Variants in ZBTB20 observed in about 807,000 individuals in gnomAD.
ZBTB20 encodes the protein zinc finger and BTB domain-containing protein 20.
Under a neutral mutation model 56.9 loss-of-function variants are expected in ZBTB20, and 9 were observed. The observed-to-expected ratio is 0.16, with a 90% CI of 0.10 to 0.28. The LOEUF is 0.28. Ranked by LOEUF, ZBTB20 falls within the 10% of genes least tolerant of loss-of-function variation. The pLI, the probability that ZBTB20 is intolerant of heterozygous loss-of-function variation, is 1.00. For synonymous variants in ZBTB20, 417 were observed against 420.7 expected (o/e 0.99, Z 0.11); for missense variants, 655 against 1,003.0 (o/e 0.65, Z 4.69).
chr3:114,914,681 A>G (rs79635751), intron 3 of ZBTB20, among the ~76,000 whole-genome samples: 5,141 of 152,054 alleles, frequency 0.034, 138 homozygotes, highest in Middle Eastern at 0.11. Context: ...CCCACTCAGC[A>G]TGATACTAGC....
chr3:115,016,295 G>C (rs1385774502), intron 2 of ZBTB20, among the ~76,000 whole-genome samples: 1 of 151,868 alleles, frequency 6.6e-6, no homozygotes, highest in East Asian at 1.9e-4. Flanking sequence ...AGTTTCTTTT[G>C]CTGAGCAGAA....
At chr3:114,417,977 G>A (rs2088750310) in intron 7 of ZBTB20, among the ~76,000 whole-genome samples, 1 of 152,028 alleles carries the variant, frequency 6.6e-6, no homozygotes, top group Admixed American at 6.6e-5. Flanking sequence ...ATAGAAAATA[G>A]ACAATGCAAC....
intron 4 of ZBTB20, among the ~76,000 whole-genome samples, chr3:114,835,612 A>G (rs1466573438): frequency 6.6e-6 from 1 of 152,152 alleles, no homozygotes; most frequent in African/African-American, 2.4e-5. Context: ...TAGTTGCAAT[A>G]CATTGGTTCA....
At chr3:115,080,690 G>A (rs976386838) in intron 1 of ZBTB20, among the ~76,000 whole-genome samples, 1 of 152,092 alleles carries the variant, frequency 6.6e-6, no homozygotes, top group African/African-American at 2.4e-5. Context: ...TGGATAAAAA[G>A]ATTCACCCTC....
chr3:114,677,777 A>G (rs1488532209), intron 6 of ZBTB20, among the ~76,000 whole-genome samples: 1 of 152,154 alleles, frequency 6.6e-6, no homozygotes, highest in African/African-American at 2.4e-5. Context: ...GCAGCTAATG[A>G]TTTAATATCA....
intron 5 of ZBTB20, among the ~76,000 whole-genome samples, chr3:114,797,460 C>T (rs1263963160): frequency 6.6e-6 from 1 of 151,872 alleles, no homozygotes; most frequent in Non-Finnish European, 1.5e-5. Flanking sequence ...GCTAGTATCA[C>T]ATTATTCCTT....
intron 6 of ZBTB20, among the ~76,000 whole-genome samples, chr3:114,511,894 A>G (rs1020139853): frequency 3.3e-5 from 5 of 152,116 alleles, no homozygotes; most frequent in African/African-American, 4.8e-5. Flanking sequence ...CAGAAATATC[A>G]CAGTTAACAA....
At chr3:114,549,573 C>T (rs941224102) in intron 6 of ZBTB20, among the ~76,000 whole-genome samples, 7 of 152,082 alleles carry the variant, frequency 4.6e-5, no homozygotes, top group Admixed American at 1.3e-4. Context: ...TTGGCTTTAA[C>T]ACAGCAATTT....
At chr3:114,781,027 G>GA (rs1185515707) in intron 5 of ZBTB20, among the ~76,000 whole-genome samples, 5 of 151,890 alleles carry the variant, frequency 3.3e-5, no homozygotes, top group African/African-American at 4.8e-5. Context: ...ATTCTATAAA[G>GA]AAAAAACAAA....
chr3:114,371,217 C>A (rs775866931), intron 10 of ZBTB20, among the ~76,000 whole-genome samples: 26 of 152,126 alleles, frequency 1.7e-4, no homozygotes, highest in Non-Finnish European at 3.1e-4. Flanking sequence ...GGAGCCATGT[C>A]TAATAAACCT....
At chr3:114,923,862 A>G (rs1443485244) in intron 3 of ZBTB20, among the ~76,000 whole-genome samples, 2 of 152,048 alleles carry the variant, frequency 1.3e-5, no homozygotes, top group South Asian at 2.1e-4. Flanking sequence ...ACACAACTCA[A>G]TGGCAAAAAA....
At chr3:114,569,138 T>C (rs2053134511) in intron 6 of ZBTB20, among the ~76,000 whole-genome samples, 1 of 152,260 alleles carries the variant, frequency 6.6e-6, no homozygotes, top group Non-Finnish European at 1.5e-5. Context: ...ATAAAGTTTA[T>C]TTCTTGATGA....
At chr3:114,646,186 T>C (rs950060648) in intron 6 of ZBTB20, among the ~76,000 whole-genome samples, 2 of 151,316 alleles carry the variant, frequency 1.3e-5, no homozygotes, top group Admixed American at 1.3e-4. Flanking sequence ...GGGAGGAAAG[T>C]AGGGGTCTGT....
At chr3:114,401,217 T>G (rs1053321678) in intron 7 of ZBTB20, among the ~76,000 whole-genome samples, 1 of 151,930 alleles carries the variant, frequency 6.6e-6, no homozygotes, top group African/African-American at 2.4e-5. Context: ...TAAAATATAT[T>G]GAATAATCAT....
At chr3:114,551,628 G>C (rs1300939912) in intron 6 of ZBTB20, among the ~76,000 whole-genome samples, 1 of 152,150 alleles carries the variant, frequency 6.6e-6, no homozygotes, top group Non-Finnish European at 1.5e-5. Flanking sequence ...ATTGGAAGTG[G>C]GCTATTCAGG....
chr3:114,998,230 A>C (rs1336302137), intron 2 of ZBTB20, among the ~76,000 whole-genome samples: 1 of 151,746 alleles, frequency 6.6e-6, no homozygotes, highest in African/African-American at 2.4e-5. Flanking sequence ...ACAATAAAAT[A>C]AACAACAAAT....
At chr3:114,963,392 C>T (rs1257371646) in intron 3 of ZBTB20, among the ~76,000 whole-genome samples, 1 of 152,140 alleles carries the variant, frequency 6.6e-6, no homozygotes, top group Non-Finnish European at 1.5e-5. Context: ...ACTGTATACT[C>T]AGTGCTTAAA....
intron 7 of ZBTB20, among the ~76,000 whole-genome samples, chr3:114,420,058 G>A (rs529847578): frequency 6.6e-6 from 1 of 152,236 alleles, no homozygotes; most frequent in African/African-American, 2.4e-5. Flanking sequence ...AACTTAAAAA[G>A]AGCAACAGAC....
chr3:114,921,279 C>T (rs1275265689), intron 3 of ZBTB20, among the ~76,000 whole-genome samples: 3 of 152,094 alleles, frequency 2.0e-5, no homozygotes, highest in Non-Finnish European at 2.9e-5. Flanking sequence ...CCCACCACTA[C>T]ACCCAGCTAG....
Sources: allele counts gnomAD v4.1 joint callset (sites outside exome capture counted in the v4.1 genomes callset), GRCh38; gene constraint gnomAD v4.1.1; transcripts MANE v1.5; gene names NCBI Gene and HGNC (gene_info 2026-07-23, HGNC 2026-07-21).